SAMSN1: variants seen among roughly 807,000 people sequenced by gnomAD.
The protein encoded by SAMSN1 is SAM domain-containing protein SAMSN-1.
SAMSN1 carries 31 observed loss-of-function variants against 42.0 expected under a neutral mutation model. The ratio of observed to expected loss-of-function variants is 0.74; its 90% CI spans 0.55 to 1.00. The LOEUF is 1.00. Among genes scored for constraint, SAMSN1 ranks in the 50% least tolerant of loss-of-function variants. SAMSN1 has a pLI of 0.00. For synonymous variants in SAMSN1, 178 were observed against 151.9 expected (o/e 1.17, Z -1.26); for missense variants, 464 against 439.4 (o/e 1.06, Z -0.50).
chr21:14,531,084 G>C lies in SAMSN1; in HGVS notation c.58-9863C>G, dbSNP rs926623848. 2.7e-4 allele frequency among the ~76,000 whole-genome samples: 41 copies of C among 151,780 alleles called. 1 individual carries two copies. The highest frequency in any genetic ancestry group is 9.2e-4 in the African/African-American group (38 of 41,324). On this transcript the variant is annotated intron_variant, in intron 1 of 7. Transcript: ENST00000400566. ...AATAATTCTACAAATAAATAATTCT[G>C]CCTAAATAATACTGCTGTATAGGAT... is the stretch of plus-strand genomic sequence containing the variant.
chr21:14,524,832 G>C (rs1039856715), intron 1 of SAMSN1, among the ~76,000 whole-genome samples: 1 of 152,074 alleles, frequency 6.6e-6, no homozygotes, highest in Non-Finnish European at 1.5e-5. Context: ...AGTGTAAGGA[G>C]AAAAAGTAAA....
chr21:14,539,053 T>C (rs1979826658), intron 1 of SAMSN1, among the ~76,000 whole-genome samples: 1 of 152,224 alleles, frequency 6.6e-6, no homozygotes, highest in Non-Finnish European at 1.5e-5. Flanking sequence ...TCTTTCTATT[T>C]TCAAAATTTC....
At chr21:14,490,467 C>T in intron 7 of SAMSN1, among the ~76,000 whole-genome samples, 1 of 152,168 alleles carries the variant, frequency 6.6e-6, no homozygotes, top group East Asian at 1.9e-4. Context: ...GAAAACCCAG[C>T]CACTGTTCAG....
chr21:14,574,283 T>A (rs1981392659), intron 2 of SAMSN1, among the ~76,000 whole-genome samples: 1 of 152,214 alleles, frequency 6.6e-6, no homozygotes, highest in Non-Finnish European at 1.5e-5. Flanking sequence ...CAAAATGTAG[T>A]TATACTTGAT....
rs535838519 is a variant in SAMSN1 at position 14,647,004 on chromosome 21, G to A, written c.25-3871C>T. On this transcript the variant is annotated intron_variant, in intron 1 of 15. Transcript: ENST00000647101. ...ACAAAGACAGGAAGGAGAGAAAGAAGGAAGATAAGACCATAAAACAACCCG... is the reference window on the plus strand; with the variant it reads ...ACAAAGACAGGAAGGAGAGAAAGAAAGAAGATAAGACCATAAAACAACCCG... 6.8e-4 allele frequency among the ~76,000 whole-genome samples: 103 copies of A among 152,238 alleles called. 1 individual carries two copies. The highest frequency in any genetic ancestry group is 2.1e-3 in the African/African-American group (88 of 41,548).
intron 2 of SAMSN1, among the ~76,000 whole-genome samples, chr21:14,633,259 G>A (rs535547453): frequency 6.6e-6 from 1 of 151,940 alleles, no homozygotes; most frequent in East Asian, 1.9e-4. Flanking sequence ...TTTCTCTAGA[G>A]AACCCTGATT....
chr21:14,538,247 G>A lies in SAMSN1; in HGVS notation c.57+7958C>T, dbSNP rs902394713. Reference sequence around the variant, plus strand: ...ACATATTACCTACATTTTATATCATGTATTTTATTCCAGAAAACTCTGTTT... The same window carrying A: ...ACATATTACCTACATTTTATATCATATATTTTATTCCAGAAAACTCTGTTT... On this transcript the variant is annotated intron_variant, in intron 1 of 7. Coordinates refer to ENST00000400566, the MANE Select transcript of SAMSN1 (RefSeq NM_022136.5). Among the ~76,000 whole-genome samples the A allele has an allele frequency of 9.2e-5, 14 of 151,988 alleles. No homozygotes were observed. In the East Asian group the frequency reaches 1.2e-3, roughly 13 times the overall value.
intron 1 of SAMSN1, among the ~76,000 whole-genome samples, chr21:14,582,646 G>A (rs1361559335): frequency 6.6e-6 from 1 of 151,970 alleles, no homozygotes; most frequent in Admixed American, 6.5e-5. Context: ...TATTTAAAAA[G>A]CAAGTTATTT....
intron 1 of SAMSN1, among the ~76,000 whole-genome samples, chr21:14,529,368 A>G (rs1444935831): frequency 1.3e-5 from 2 of 152,246 alleles, no homozygotes; most frequent in Non-Finnish European, 2.9e-5. Context: ...GGGCAAAACC[A>G]TGGCAAATGA....
At chr21:14,620,905 T>G (rs1982984760) in intron 2 of SAMSN1, among the ~76,000 whole-genome samples, 1 of 152,242 alleles carries the variant, frequency 6.6e-6, no homozygotes, top group Admixed American at 6.5e-5. Flanking sequence ...TAAAATAAGC[T>G]AATTCAATTT....
intron 1 of SAMSN1, among the ~76,000 whole-genome samples, chr21:14,652,220 A>G (rs1983848206): frequency 1.3e-5 from 2 of 152,070 alleles, no homozygotes; most frequent in South Asian, 4.1e-4. Flanking sequence ...CACAAAAGAC[A>G]CAGAATAGCC....
At chr21:14,597,118 T>G (rs1982290318) in intron 6 of SAMSN1, among the ~76,000 whole-genome samples, 1 of 152,140 alleles carries the variant, frequency 6.6e-6, no homozygotes, top group Admixed American at 6.6e-5. Flanking sequence ...TTGGACTCTT[T>G]TTGTTTGTTT....
chr21:14,577,498 A>C (rs1230246897), intron 2 of SAMSN1, among the ~76,000 whole-genome samples: 2 of 151,654 alleles, frequency 1.3e-5, no homozygotes, highest in Non-Finnish European at 2.9e-5. Flanking sequence ...ATGTGTTATT[A>C]TAAAAACATA....
chr21:14,571,025 C>T (rs918593792), intron 2 of SAMSN1, among the ~76,000 whole-genome samples: 5 of 152,164 alleles, frequency 3.3e-5, no homozygotes, highest in African/African-American at 9.7e-5. Context: ...AGTTAGTTAA[C>T]TCTTCTCTTC....
intron 7 of SAMSN1, among the ~76,000 whole-genome samples, chr21:14,589,480 AGTATCAG>A (rs2123267369): frequency 6.6e-6 from 1 of 152,224 alleles, no homozygotes; most frequent in African/African-American, 2.4e-5. Context: ...ACAGAGGATA[AGTATCAG>A]GTACTTTCAG....
chr21:14,580,349 T>G (rs1326738204), intron 2 of SAMSN1, among the ~76,000 whole-genome samples: 1 of 152,172 alleles, frequency 6.6e-6, no homozygotes, highest in Admixed American at 6.5e-5. Flanking sequence ...AATGCCAAGT[T>G]AGGGAGTCCA....
chr21:14,658,658 A>G (rs1158333837), intron 1 of SAMSN1: 1 of 696,738 alleles, frequency 1.4e-6, no homozygotes, highest in East Asian at 2.7e-5. Flanking sequence ...ATATCATCAC[A>G]TAAGAAGTTT....
intron 2 of SAMSN1, among the ~76,000 whole-genome samples, chr21:14,562,169 A>T (rs913768344): frequency 1.3e-5 from 2 of 152,258 alleles, no homozygotes; most frequent in African/African-American, 4.8e-5. Context: ...TTGTGAAGCA[A>T]GAGAGGGACA....
chr21:14,555,335 G>A lies in SAMSN1; in HGVS notation c.261+26801C>T, dbSNP rs568695541. Reference sequence around the variant, plus strand: ...GTTTGCATCTTCTTGGTAAGTGTATGTAGCTATTTAAACAAAATCTAGTTT... The same window carrying A: ...GTTTGCATCTTCTTGGTAAGTGTATATAGCTATTTAAACAAAATCTAGTTT... On this transcript the variant is annotated intron_variant, in intron 2 of 8. Transcript: ENST00000285670. Among the ~76,000 whole-genome samples the A allele has an allele frequency of 4.3e-4, 66 of 152,288 alleles. 1 individual carries two copies. In the East Asian group the frequency reaches 0.012, roughly 27 times the overall value.
Sources: gnomAD v4.1 joint callset for allele counts (sites outside exome capture counted in the v4.1 genomes callset) on GRCh38, gnomAD v4.1.1 for gene constraint, MANE v1.5 for transcripts, NCBI Gene and HGNC (gene_info 2026-07-23, HGNC 2026-07-21) for gene names.